Variants in NAV2 observed in about 807,000 individuals in gnomAD.
NAV2 encodes helicase, APC down-regulated 1.
A neutral mutation model predicts 223.2 loss-of-function variants in NAV2; 54 were observed. The ratio of observed to expected loss-of-function variants is 0.24; its 90% CI spans 0.19 to 0.30. The LOEUF is 0.30. Among genes scored for constraint, NAV2 ranks in the 10% least tolerant of loss-of-function variants. The pLI is 1.00. For synonymous variants in NAV2, 1,279 were observed against 1,239.3 expected (o/e 1.03, Z -0.67); for missense variants, 2,806 against 3,147.5 (o/e 0.89, Z 2.60).
intron 7 of NAV2, among the ~76,000 whole-genome samples, chr11:19,935,866 T>TTTTTTTTC (rs2045841932): frequency 8.1e-6 from 1 of 122,968 alleles, no homozygotes; most frequent in Admixed American, 8.1e-5. Context: ...TTTTTTTTTT[T>TTTTTTTTC]TTTTTTTTTG....
intron 2 of NAV2, among the ~76,000 whole-genome samples, chr11:19,839,484 C>T: frequency 6.6e-6 from 1 of 152,146 alleles, no homozygotes; most frequent in African/African-American, 2.4e-5. Context: ...TTTCCACCAC[C>T]ATTTGGGCTG....
intron 1 of NAV2, among the ~76,000 whole-genome samples, chr11:19,589,161 G>A (rs1464647790): frequency 6.6e-6 from 1 of 152,132 alleles, no homozygotes; most frequent in Non-Finnish European, 1.5e-5. Context: ...GTATTTCTTG[G>A]ATCCTAAGAT....
intron 20 of NAV2, among the ~76,000 whole-genome samples, chr11:20,066,258 C>T (rs2059036672): frequency 6.6e-6 from 1 of 152,070 alleles, no homozygotes; most frequent in Admixed American, 6.6e-5. Context: ...GCCTGGCACA[C>T]AGTAGGAAAT....
rs149643973 is a variant in NAV2, at chr11:19,864,899, TC to T, written c.439-4023del. ...CCGGAGTCTCCAAGCCACGTGGTAG[TC>T]CCTCTCCTGGGTTTCCCCCTCTACC... On this transcript the variant is annotated intron_variant, in intron 3 of 37. Coordinates refer to ENST00000349880, the MANE Select transcript of NAV2 (RefSeq NM_145117.5). Among the ~76,000 whole-genome samples, 976 of 152,264 alleles carry T rather than the reference TC, an allele frequency of 6.4e-3. 11 individuals are homozygous for T. Among genetic ancestry groups the T allele is most frequent in the African/African-American group, 0.023 (939 of 41,540 alleles).
chr11:19,860,490 G>A (rs1174534638), intron 3 of NAV2, among the ~76,000 whole-genome samples: 3 of 151,468 alleles, frequency 2.0e-5, no homozygotes, highest in Admixed American at 6.6e-5. Flanking sequence ...TGGAAGAGGC[G>A]CTCCTCACTT....
At chr11:20,100,207 A>G (rs2061533025) in intron 31 of NAV2, among the ~76,000 whole-genome samples, 1 of 152,110 alleles carries the variant, frequency 6.6e-6, no homozygotes, top group South Asian at 2.1e-4. Flanking sequence ...TCCAAAAGAT[A>G]CCCCTTTTGA....
intron 1 of NAV2, chr11:19,402,018 G>C (rs187580723): frequency 2.6e-5 from 4 of 152,086 alleles, no homozygotes; most frequent in African/African-American, 4.8e-5. Context: ...GATTTCTAAG[G>C]GTCCCTCATT....
At chr11:19,863,725 A>T (rs1214580517) in intron 3 of NAV2, among the ~76,000 whole-genome samples, 1 of 152,194 alleles carries the variant, frequency 6.6e-6, no homozygotes, top group Non-Finnish European at 1.5e-5. Context: ...CTTTCACAGT[A>T]ACCATAACAG....
chr11:19,489,220 G>C (rs1236655729), intron 1 of NAV2, among the ~76,000 whole-genome samples: 2 of 152,148 alleles, frequency 1.3e-5, no homozygotes, highest in Non-Finnish European at 2.9e-5. Flanking sequence ...TTTCCCAAGG[G>C]TCTACACCTT....
At chr11:19,927,769 C>T (rs1341097461) in intron 6 of NAV2, among the ~76,000 whole-genome samples, 1 of 152,098 alleles carries the variant, frequency 6.6e-6, no homozygotes, top group East Asian at 1.9e-4. Context: ...ACTAGAGTAG[C>T]ATATATCAGA....
chr11:19,626,493 A>G (rs1435298110), intron 1 of NAV2, among the ~76,000 whole-genome samples: 1 of 152,004 alleles, frequency 6.6e-6, no homozygotes, highest in Non-Finnish European at 1.5e-5. Flanking sequence ...TTTGTTCAGG[A>G]TTACTTTGGT....
chr11:19,346,371 G>T (rs1417243484), upstream of NAV2, among the ~76,000 whole-genome samples: 3 of 152,182 alleles, frequency 2.0e-5, no homozygotes, highest in Non-Finnish European at 4.4e-5. Context: ...CCAAGCCGGG[G>T]GCAACTAGGC....
chr11:20,000,508 C>T (rs142616880), intron 11 of NAV2, among the ~76,000 whole-genome samples: 22 of 152,188 alleles, frequency 1.4e-4, no homozygotes, highest in Admixed American at 3.3e-4. Context: ...GAGAGTAAAG[C>T]AGGGTGTCTA....
chr11:19,980,214 G>T (rs979114334), intron 10 of NAV2, among the ~76,000 whole-genome samples: 4 of 152,272 alleles, frequency 2.6e-5, no homozygotes, highest in East Asian at 3.9e-4. Flanking sequence ...TCCATCCAGG[G>T]GTCTCTGGGG....
chr11:19,483,589 A>G (rs1167042763), intron 1 of NAV2, among the ~76,000 whole-genome samples: 1 of 152,254 alleles, frequency 6.6e-6, no homozygotes, highest in Non-Finnish European at 1.5e-5. Flanking sequence ...GTTGCTAAGA[A>G]GGAGGAAATT....
rs115074250 is a variant in NAV2, at chr11:19,477,567, C to A, written c.75+126540C>A. ...TTGGTCACATTACTTCTTTCTGGGTCTCAGTTTTCTCATCTCTAAAATGGA... is the reference window on the plus strand; with the variant it reads ...TTGGTCACATTACTTCTTTCTGGGTATCAGTTTTCTCATCTCTAAAATGGA... On this transcript the variant is annotated intron_variant, in intron 1 of 37. Coordinates refer to the NAV2 transcript ENST00000360655. Among the ~76,000 whole-genome samples the A allele has an allele frequency of 2.6e-3, 397 of 152,236 alleles. 1 individual carries two copies. The highest frequency in any genetic ancestry group is 9.0e-3 in the African/African-American group (373 of 41,528).
chr11:19,527,958 AC>A (rs2043896113), intron 1 of NAV2, among the ~76,000 whole-genome samples: 1 of 151,914 alleles, frequency 6.6e-6, no homozygotes, highest in African/African-American at 2.4e-5. Flanking sequence ...ACACACACAC[AC>A]ACACACACAC....
At chr11:19,695,867 G>A (rs189813677) in intron 1 of NAV2, among the ~76,000 whole-genome samples, 2 of 31,894 alleles carry the variant, frequency 6.3e-5, no homozygotes, top group South Asian at 1.2e-3. Flanking sequence ...TCACACCAGT[G>A]TACTCCAGCC....
intron 1 of NAV2, among the ~76,000 whole-genome samples, chr11:19,410,537 G>A (rs1009940654): frequency 2.0e-5 from 3 of 152,198 alleles, no homozygotes; most frequent in Non-Finnish European, 4.4e-5. Flanking sequence ...TTTGAACCCA[G>A]GGGATTTGGC....
Sources: allele counts gnomAD v4.1 joint callset (sites outside exome capture counted in the v4.1 genomes callset), GRCh38; gene constraint gnomAD v4.1.1; transcripts MANE v1.5; gene names NCBI Gene and HGNC (gene_info 2026-07-23, HGNC 2026-07-21).